KSR2: variants seen among roughly 807,000 people sequenced by gnomAD.
KSR2 encodes kinase suppressor of ras 2.
Under a neutral mutation model 107.8 loss-of-function variants are expected in KSR2, and 25 were observed. The observed-to-expected ratio is 0.23, with a 90% CI of 0.17 to 0.32. The LOEUF (loss-of-function observed/expected upper bound fraction) is 0.32. Among genes scored for constraint, KSR2 ranks in the 10% least tolerant of loss-of-function variants. The pLI is 1.00. For missense variants in KSR2, 887 were observed against 1,268.9 expected, an observed-to-expected ratio of 0.70 and a Z score of 4.57; for synonymous variants, 480 against 507.0, an observed-to-expected ratio of 0.95 and a Z score of 0.71.
intron 3 of KSR2, among the ~76,000 whole-genome samples, chr12:117,795,976 A>C (rs894039007): frequency 6.6e-6 from 1 of 152,186 alleles, no homozygotes; most frequent in Admixed American, 6.5e-5. Flanking sequence ...ACCCAGGCTG[A>C]AGTGCAGTGG....
intron 5 of KSR2, among the ~76,000 whole-genome samples, chr12:117,583,310 T>C (rs1271035552): frequency 1.4e-5 from 2 of 142,884 alleles, no homozygotes; most frequent in Non-Finnish European, 3.0e-5. Context: ...GATGAATAGA[T>C]GGATAGATGG....
At chr12:117,884,060 C>A (rs1045260620) in intron 1 of KSR2, among the ~76,000 whole-genome samples, 1 of 152,000 alleles carries the variant, frequency 6.6e-6, no homozygotes, top group Non-Finnish European at 1.5e-5. Context: ...GTTTGTCCTG[C>A]AAAGCAACCT....
At chr12:117,768,857 G>T (rs1309655756) in intron 3 of KSR2, among the ~76,000 whole-genome samples, 2 of 152,246 alleles carry the variant, frequency 1.3e-5, no homozygotes, top group African/African-American at 4.8e-5. Flanking sequence ...GAGGTCAAGT[G>T]GCTTGCTCGA....
rs147250472 is a variant in KSR2, at chr12:117,931,578, C to T, written c.180+36498G>A. Among the ~76,000 whole-genome samples, 45 of 152,302 alleles carry T rather than the reference C, an allele frequency of 3.0e-4. No individual in the cohort carries two copies. In the East Asian group the frequency reaches 5.2e-3, roughly 18 times the overall value. ...CTGCTAGACGTTCTCTCTTCCCATCCGTCACCCTTCCCAACAATTTAGAGC... is the reference window on the plus strand; with the variant it reads ...CTGCTAGACGTTCTCTCTTCCCATCTGTCACCCTTCCCAACAATTTAGAGC... On this transcript the variant is annotated intron_variant, in intron 1 of 19. Coordinates refer to ENST00000339824, the MANE Select transcript of KSR2 (RefSeq NM_173598.6).
intron 3 of KSR2, among the ~76,000 whole-genome samples, chr12:117,783,275 G>A (rs956895557): frequency 1.3e-5 from 2 of 152,160 alleles, no homozygotes; most frequent in African/African-American, 4.8e-5. Context: ...CTGACCCCAA[G>A]GGTCCCATAG....
intron 14 of KSR2, among the ~76,000 whole-genome samples, chr12:117,499,560 C>G (rs546537555): frequency 5.3e-5 from 8 of 152,294 alleles, no homozygotes; most frequent in Admixed American, 3.9e-4. Context: ...AGTAGCTCAG[C>G]CTTGCTTTAG....
Position 117,966,889 on chromosome 12 carries a change from G to A in KSR2, c.180+1187C>T, listed in dbSNP as rs540619206. On this transcript the variant is annotated intron_variant, in intron 1 of 19. Transcript: ENST00000339824. ...CAGGCCTTGGGAACTCATGTGCCAG[G>A]ACCAAGATGAACGTCTCAGTACTGC... Among the ~76,000 whole-genome samples, 6 of 152,234 alleles carry A rather than the reference G, an allele frequency of 3.9e-5. No individual in the cohort carries two copies. The South Asian group carries it at 8.3e-4, about 21-fold the overall frequency.
chr12:117,651,810 T>C (rs1883917779), intron 5 of KSR2, among the ~76,000 whole-genome samples: 1 of 152,146 alleles, frequency 6.6e-6, no homozygotes, highest in Admixed American at 6.5e-5. Context: ...GAAATAGATT[T>C]GGGAGGGCAG....
chr12:117,613,176 C>G (rs1009053067), intron 5 of KSR2, among the ~76,000 whole-genome samples: 3 of 152,236 alleles, frequency 2.0e-5, no homozygotes, highest in Admixed American at 6.5e-5. Context: ...GGAAATGACT[C>G]TCTCATACTT....
chr12:117,876,734 T>C (rs990928118), intron 1 of KSR2, among the ~76,000 whole-genome samples: 9 of 149,118 alleles, frequency 6.0e-5, no homozygotes, highest in Admixed American at 4.7e-4. Flanking sequence ...AATTCATATA[T>C]AATACATAAT....
chr12:117,831,950 C>G (rs939761289), intron 3 of KSR2, among the ~76,000 whole-genome samples: 1 of 152,188 alleles, frequency 6.6e-6, no homozygotes, highest in African/African-American at 2.4e-5. Context: ...CAAGGGAGCA[C>G]CATTTAAGAT....
At chr12:117,690,872 G>C (rs1434011160) in intron 4 of KSR2, among the ~76,000 whole-genome samples, 1 of 152,204 alleles carries the variant, frequency 6.6e-6, no homozygotes, top group African/African-American at 2.4e-5. Context: ...TGTATCCAGA[G>C]ACCTATTTCT....
chr12:117,542,664 G>A (rs1876590022), intron 9 of KSR2, among the ~76,000 whole-genome samples: 1 of 151,982 alleles, frequency 6.6e-6, no homozygotes, highest in South Asian at 2.1e-4. Flanking sequence ...GCTGTATGTG[G>A]GTTTTTTTGA....
rs1401075575 is a variant in KSR2, at chr12:117,897,030, G to A, written c.181-36599C>T. Among the ~76,000 whole-genome samples the A allele has an allele frequency of 6.6e-6, 1 of 152,156 alleles. No homozygotes were observed. The highest frequency in any genetic ancestry group is 1.5e-5 in the Non-Finnish European group (1 of 68,022). ...CAAGCAGGGCAGTGATACTTCATCT[G>A]CCTAACCAGGAGGTGTTAGAGTGAA... On this transcript the variant is annotated intron_variant, in intron 1 of 19. Transcript: ENST00000339824. The surrounding 1 kb of genome is among the most constrained non-coding windows in gnomAD (Gnocchi z 4.5).
chr12:117,570,005 T>A (rs917020992), intron 7 of KSR2, among the ~76,000 whole-genome samples: 1 of 129,300 alleles, frequency 7.7e-6, no homozygotes, highest in African/African-American at 3.0e-5. Context: ...GTCTGCAGAC[T>A]TTTTTTTTTT....
At chr12:117,692,773 G>A (rs983264077) in intron 4 of KSR2, among the ~76,000 whole-genome samples, 11 of 152,052 alleles carry the variant, frequency 7.2e-5, no homozygotes, top group Non-Finnish European at 1.6e-4. Flanking sequence ...ATTATGCCAA[G>A]TGAAGGAGGT....
intron 4 of KSR2, among the ~76,000 whole-genome samples, chr12:117,718,675 C>A (rs898737140): frequency 8.5e-5 from 13 of 152,296 alleles, no homozygotes; most frequent in African/African-American, 3.1e-4. Flanking sequence ...GGCACCCTGC[C>A]ATGAAGATTA....
At chr12:117,891,180 C>G (rs896052334) in intron 1 of KSR2, among the ~76,000 whole-genome samples, 4 of 152,154 alleles carry the variant, frequency 2.6e-5, no homozygotes, top group African/African-American at 7.2e-5. Flanking sequence ...CTTTGGGAGG[C>G]CAAGCCACGC....
intron 1 of KSR2, among the ~76,000 whole-genome samples, chr12:117,893,523 G>A (rs1457086807): frequency 1.3e-5 from 2 of 152,098 alleles, no homozygotes; most frequent in Non-Finnish European, 2.9e-5. Flanking sequence ...GAAGACCTGG[G>A]TCCAAATCCG....
Sources: gnomAD v4.1 joint callset for allele counts (sites outside exome capture counted in the v4.1 genomes callset) on GRCh38, gnomAD v4.1.1 for gene constraint, Gnocchi (gnomAD v3.1) non-coding constraint, MANE v1.5 for transcripts, NCBI Gene and HGNC (gene_info 2026-07-23, HGNC 2026-07-21) for gene names.